The following GNL3L variants were observed in gnomAD, a reference collection of about 807,000 sequenced individuals.
The protein encoded by GNL3L is G protein nucleolar 3 like.
Under a neutral mutation model 42.9 loss-of-function variants are expected in GNL3L, and 4 were observed. The observed-to-expected ratio is 0.09, with a 90% CI of 0.05 to 0.21. GNL3L has a LOEUF of 0.21. GNL3L is among the 10% of genes least tolerant of loss of function. The pLI, the probability that GNL3L is intolerant of heterozygous loss-of-function variation, is 1.00. For missense variants in GNL3L, 412 were observed against 481.7 expected (o/e 0.86, Z 1.36); for synonymous variants, 159 against 176.3 (o/e 0.90, Z 0.78).
chrX:54,632,979 C>G, the GNL3L span, among the ~76,000 whole-genome samples: 1 of 111,289 alleles, frequency 9.0e-6, no homozygotes, highest in African/African-American at 3.3e-5. Flanking sequence ...AGTGCTTTCC[C>G]ACTTCTCCTA....
intron 16 of GNL3L, among the ~76,000 whole-genome samples, chrX:54,596,488 T>G (rs1428379473): frequency 8.9e-6 from 1 of 111,786 alleles, no homozygotes; most frequent in Non-Finnish European, 1.9e-5. Context: ...CCACCACCAG[T>G]AGGACTGTGC....
intron 16 of GNL3L, among the ~76,000 whole-genome samples, chrX:54,605,661 A>G (rs1204540927): frequency 9.0e-6 from 1 of 111,516 alleles, no homozygotes; most frequent in Non-Finnish European, 1.9e-5. Context: ...ATCTTGGGTG[A>G]TGAGAGATGC....
At chrX:54,617,888 G>C (rs1331710913) in intron 16 of GNL3L, among the ~76,000 whole-genome samples, 1 of 111,368 alleles carries the variant, frequency 9.0e-6, no homozygotes, top group Non-Finnish European at 1.9e-5. Context: ...TCCAGTTTAT[G>C]GTATTTTGTT....
intron 16 of GNL3L, among the ~76,000 whole-genome samples, chrX:54,604,780 G>A (rs1449165933): frequency 4.5e-5 from 5 of 112,206 alleles, no homozygotes; most frequent in Non-Finnish European, 9.4e-5. Context: ...ATGTGACTCT[G>A]CGAAAACGCC....
chrX:54,559,665 A>C (rs1925204214), intron 15 of GNL3L, among the ~76,000 whole-genome samples: 1 of 111,902 alleles, frequency 8.9e-6, no homozygotes. Context: ...AACTCATTGC[A>C]AAAGTCTTCC....
Position 54,539,071 on chromosome X carries a change from C to T in GNL3L, c.51C>T (p.Gly17=), listed in dbSNP as rs753264280. ...KNKKPGEGSK[G]HKKISWPYPQ... ...AAAAGCCAGGTGAAGGTTCCAAGGG[C>T]CACAAGAAGATAAGTTGGCCCTACC... The change falls in exon 3 of 16, where the codon GGC becomes GGT. Residue 17 remains glycine, a synonymous_variant. Coordinates refer to ENST00000360845, the MANE Select transcript of GNL3L (RefSeq NM_001184819.2). 20 of 1,162,462 alleles carry T rather than the reference C, an allele frequency of 1.7e-5. No homozygotes were observed. Among genetic ancestry groups the T allele is most frequent in the Non-Finnish European group, 2.3e-5 (20 of 856,536 alleles).
chrX:54,554,538 C>G, intron 13 of GNL3L, 27 bp from the exon 14 acceptor site: 1 of 1,202,540 alleles, frequency 8.3e-7, no homozygotes, highest in Non-Finnish European at 1.1e-6. Flanking sequence ...AGCCAGGGCC[C>G]TGACAGTGGT....
the GNL3L span, among the ~76,000 whole-genome samples, chrX:54,633,096 T>A: frequency 9.0e-6 from 1 of 111,352 alleles, no homozygotes; most frequent in Non-Finnish European, 1.9e-5. Flanking sequence ...TGTGATGTGA[T>A]CCATCTTCGG....
intron 16 of GNL3L, among the ~76,000 whole-genome samples, chrX:54,607,057 T>TCTTTC (rs1569542600): frequency 4.3e-4 from 26 of 60,293 alleles, no homozygotes; most frequent in African/African-American, 2.4e-3. Context: ...TCTTTCTTTC[T>TCTTTC]TTCTTTCTTT....
intron 16 of GNL3L, among the ~76,000 whole-genome samples, chrX:54,607,032 CTT>C (rs1404265238): frequency 1.7e-4 from 11 of 65,769 alleles, no homozygotes; most frequent in Non-Finnish European, 5.0e-5. Context: ...TTCTTTCTTT[CTT>C]TCTTTCTTTC....
rs1295367455 is a variant in GNL3L at position 54,561,963 on chromosome X, G to A, written c.*1361G>A. Reference sequence around the variant, plus strand: ...TCTTCTTTCTTTGCCAGGGTATTTTGGGGGTTTTGCCCCAAAATATACCCT... The same window carrying A: ...TCTTCTTTCTTTGCCAGGGTATTTTAGGGGTTTTGCCCCAAAATATACCCT... On this transcript the variant is annotated 3_prime_UTR_variant, in exon 16 of 16. Transcript: ENST00000360845. Among the ~76,000 whole-genome samples, 1 of 112,035 alleles carries A rather than the reference G, an allele frequency of 8.9e-6. No individual in the cohort carries two copies. Among genetic ancestry groups the A allele is most frequent in the Admixed American group, 9.4e-5 (1 of 10,648 alleles).
rs185932274 is a variant in GNL3L at position 54,578,193 on chromosome X, A to T, written c.*45+17546A>T. Among the ~76,000 whole-genome samples, 131 of 112,105 alleles carry T rather than the reference A, an allele frequency of 1.2e-3. No individual in the cohort carries two copies. The East Asian group carries it at 0.022, about 19-fold the overall frequency. On this transcript the variant is annotated intron_variant, in intron 16 of 16. Coordinates refer to the GNL3L transcript ENST00000674498. ...CATTTATTCCATTTTGGCATTTATC[A>T]TTTTTGTGTGTGTGTATTCAAATTT...
chrX:54,600,638 T>G (rs1190340858), intron 16 of GNL3L, among the ~76,000 whole-genome samples: 1 of 110,764 alleles, frequency 9.0e-6, no homozygotes, highest in East Asian at 2.8e-4. Context: ...CACTTGGCCT[T>G]CGTTGACACC....
the GNL3L span, among the ~76,000 whole-genome samples, chrX:54,643,907 A>T: frequency 8.9e-6 from 1 of 112,000 alleles, no homozygotes; most frequent in Non-Finnish European, 1.9e-5. Flanking sequence ...ATTTCACTTA[A>T]CATAATGTCA....
rs758382610 is a variant in GNL3L, at chrX:54,561,534, C to T, written c.*932C>T. ...AGTGTGGTAGGCACTACCCTGTTTG[C>T]GTGAAGAGAAAACAAAGCACCTGTT... On this transcript the variant is annotated 3_prime_UTR_variant, in exon 16 of 16. Transcript: ENST00000360845. Among the ~76,000 whole-genome samples, 2 of 112,108 alleles carry T rather than the reference C, an allele frequency of 1.8e-5. No homozygotes were observed. Among genetic ancestry groups the T allele is most frequent in the African/African-American group, 6.5e-5 (2 of 30,872 alleles).
intron 16 of GNL3L, among the ~76,000 whole-genome samples, chrX:54,591,642 C>G (rs144412096): frequency 0.049 from 5,159 of 105,190 alleles, 162 homozygotes; most frequent in Non-Finnish European, 0.081. Context: ...AGATTTGTTT[C>G]TGAGTTCTCT....
intron 16 of GNL3L, among the ~76,000 whole-genome samples, chrX:54,607,093 CT>C (rs1290146152): frequency 2.9e-4 from 15 of 51,194 alleles, no homozygotes; most frequent in African/African-American, 1.2e-3. Context: ...TTCTTTCTTT[CT>C]TTCTTTCTTT....
At chrX:54,569,204 T>C (rs1925510447), downstream of GNL3L, among the ~76,000 whole-genome samples, 1 of 112,083 alleles carries the variant, frequency 8.9e-6, no homozygotes, top group African/African-American at 3.2e-5. Context: ...TTAATGTCTT[T>C]ATCTTTGGTA....
chrX:54,574,601 G>A (rs1601999229), intron 16 of GNL3L, among the ~76,000 whole-genome samples: 1 of 112,169 alleles, frequency 8.9e-6, no homozygotes, highest in East Asian at 2.8e-4. Flanking sequence ...TTCTTGTGAT[G>A]TCTCTGTCTG....
Sources: allele counts gnomAD v4.1 joint callset (sites outside exome capture counted in the v4.1 genomes callset), GRCh38; gene constraint gnomAD v4.1.1; transcripts MANE v1.5; gene names NCBI Gene and HGNC (gene_info 2026-07-23, HGNC 2026-07-21).